Variants in USP6 observed in about 807,000 individuals in gnomAD.
The protein encoded by USP6 is ubiquitin specific peptidase 6.
In USP6, 128 loss-of-function variants were observed where a neutral mutation model predicts 175.7. The ratio of observed to expected loss-of-function variants is 0.73; its 90% CI spans 0.63 to 0.84. The LOEUF is 0.84. Among genes scored for constraint, USP6 ranks in the 40% least tolerant of loss-of-function variants. The pLI is 0.00. For missense variants in USP6, 1,498 were observed against 1,760.3 expected (o/e 0.85, Z 2.67); for synonymous variants, 562 against 630.6 (o/e 0.89, Z 1.63).
chr17:5,138,300 C>T (rs2073326930), intron 21 of USP6, 27 bp downstream of exon 21: 2 of 1,612,080 alleles, frequency 1.2e-6, no homozygotes, highest in African/African-American at 2.7e-5. Context: ...TGTCCCCTCC[C>T]ATGTCAGCCT....
At position 5,152,411 on chromosome 17, in the gene USP6, A is replaced by AT. The variant is rs538340251; in HGVS notation, c.2644-3010dup. ...ACCATGCTGATGAGAATATAAATTA[A>AT]TACAACTACTTTGGAATACAATTTT... On this transcript the variant is annotated intron_variant, in intron 30 of 37. Coordinates refer to ENST00000574788, the MANE Select transcript of USP6 (RefSeq NM_001304284.2). 9.0e-3 allele frequency among the ~76,000 whole-genome samples: 1,364 copies of AT among 152,338 alleles called. 10 individuals carry two copies. Among genetic ancestry groups the AT allele is most frequent in the Non-Finnish European group, 0.015 (1,050 of 68,034 alleles).
At chr17:5,156,586 G>A (rs561890261) in intron 31 of USP6, among the ~76,000 whole-genome samples, 5 of 152,208 alleles carry the variant, frequency 3.3e-5, no homozygotes, top group South Asian at 2.1e-4. Context: ...GATTACAGGC[G>A]TGAGCCACCT....
At chr17:5,138,082 C>T in intron 20 of USP6, 39 bp from the exon 21 acceptor site, 1 of 1,613,750 alleles carries the variant, frequency 6.2e-7, no homozygotes, top group Non-Finnish European at 8.5e-7. Flanking sequence ...TGACCATTCC[C>T]AGGGAACTCT....
At chr17:5,167,801 G>T (rs2074125052) in intron 33 of USP6, 131 bp from the exon 34 acceptor site, 1 of 1,146,060 alleles carries the variant, frequency 8.7e-7, no homozygotes, top group Non-Finnish European at 1.2e-6. Context: ...ATCATACCCA[G>T]CCAGTTGTAT....
intron 22 of USP6, among the ~76,000 whole-genome samples, chr17:5,140,009 C>G (rs532537135): frequency 4.6e-5 from 7 of 152,102 alleles, no homozygotes; most frequent in African/African-American, 1.7e-4. Flanking sequence ...ACAGATGGAA[C>G]ACACCAGCCC....
Position 5,141,658 on chromosome 17 carries a change from C to G in USP6, c.1573+159C>G, listed in dbSNP as rs1225716767. 2.6e-5 allele frequency among the ~76,000 whole-genome samples: 4 copies of G among 151,962 alleles called. No individual in the cohort carries two copies. The East Asian group carries it at 7.7e-4, about 29-fold the overall frequency. The stretch of plus-strand genomic sequence containing the variant: ...GAAGCAGCATTTGATGTTGGCAAAC[C>G]CACCATCAAATTATTTTCTAAATTT... On this transcript the variant is annotated intron_variant, in intron 23 of 37. Coordinates refer to ENST00000574788, the MANE Select transcript of USP6 (RefSeq NM_001304284.2).
chr17:5,144,160 C>G (rs953990925), intron 25 of USP6, among the ~76,000 whole-genome samples: 1 of 151,758 alleles, frequency 6.6e-6, no homozygotes, highest in African/African-American at 2.4e-5. Flanking sequence ...AATTCTAATG[C>G]GGTTAATAAA....
chr17:5,130,179 G>T (rs866982682), intron 9 of USP6, 90 bp downstream of exon 9: 29 of 599,262 alleles, frequency 4.8e-5, no homozygotes, highest in Non-Finnish European at 7.5e-5. Flanking sequence ...GCCCACCCCT[G>T]CTTGGGGCTT....
rs200854604 is a variant in USP6 at position 5,139,240 on chromosome 17, C to G, written c.1079-15C>G. ...GGCTCACTGGAGATGCTGACCACGTCTGTTTTCCTTTCAGCCAAACGCGAG... is the reference window on the plus strand; with the variant it reads ...GGCTCACTGGAGATGCTGACCACGTGTGTTTTCCTTTCAGCCAAACGCGAG... On this transcript the variant is annotated splice_polypyrimidine_tract_variant and intron_variant, in intron 21 of 37. Coordinates refer to ENST00000574788, the MANE Select transcript of USP6 (RefSeq NM_001304284.2). The G allele has an allele frequency of 1.3e-6, 2 of 1,599,674 alleles. No individual in the cohort carries two copies. The highest frequency in any genetic ancestry group is 3.3e-5 in the Admixed American group (2 of 60,030).
At chr17:5,123,483 C>G (rs955108236) in intron 4 of USP6, among the ~76,000 whole-genome samples, 2 of 152,080 alleles carry the variant, frequency 1.3e-5, no homozygotes, top group Non-Finnish European at 2.9e-5. Context: ...CCGCGTCACC[C>G]GGCAGCAAAC....
Position 5,141,898 on chromosome 17 carries a change from C to T in USP6, c.1574-105C>T, listed in dbSNP as rs555680802. The T allele has an allele frequency of 1.2e-4, 182 of 1,483,362 alleles. 3 individuals carry two copies. The South Asian group carries it at 2.3e-3, about 19-fold the overall frequency. The allele number at this position is 1,483,362 out of a possible 1,614,324, so 91.9% of individuals were successfully genotyped here. ...CTAGAGAATTATTAGCACCATTTAG[C>T]TGATTATGAGAGTTATAAAAAATCT... On this transcript the variant is annotated intron_variant, in intron 23 of 37. Transcript: ENST00000574788.
intron 30 of USP6, among the ~76,000 whole-genome samples, chr17:5,150,300 AAAT>A (rs2073730512): frequency 3.5e-4 from 34 of 95,826 alleles, no homozygotes; most frequent in Non-Finnish European, 4.5e-4. Context: ...CTAAAAAAAT[AAAT>A]AAATAAATAA....
chr17:5,127,208 C>G (rs1447259153), intron 6 of USP6, among the ~76,000 whole-genome samples: 1 of 151,064 alleles, frequency 6.6e-6, no homozygotes, highest in Non-Finnish European at 1.5e-5. Context: ...GATCCAAGAA[C>G]TAAGGGCAAC....
chr17:5,173,013 G>A lies in USP6; in HGVS notation c.*35G>A, dbSNP rs763770802. 69 of 1,604,224 alleles carry A rather than the reference G, an allele frequency of 4.3e-5. No individual in the cohort carries two copies. The highest frequency in any genetic ancestry group is 6.6e-5 in the South Asian group (6 of 90,232). ...TCTGGCTGCTAGACAGCTTGGTGGCGAGGGAGATGACTCCTTGTAGCTGAT... is the reference window on the plus strand; with the variant it reads ...TCTGGCTGCTAGACAGCTTGGTGGCAAGGGAGATGACTCCTTGTAGCTGAT... On this transcript the variant is annotated 3_prime_UTR_variant, in exon 38 of 38. Coordinates refer to ENST00000574788, the MANE Select transcript of USP6 (RefSeq NM_001304284.2).
At chr17:5,155,744 T>A in intron 31 of USP6, 138 bp downstream of exon 31, 1 of 695,834 alleles carries the variant, frequency 1.4e-6, no homozygotes, top group Non-Finnish European at 2.0e-6. Context: ...AATAATTATT[T>A]AAAGTATTTA....
At chr17:5,157,919 C>A (rs1410578351) in intron 31 of USP6, among the ~76,000 whole-genome samples, 1 of 149,334 alleles carries the variant, frequency 6.7e-6, no homozygotes, top group Non-Finnish European at 1.5e-5. Flanking sequence ...AGCCACTGCA[C>A]CCGGCCCAGG....
chr17:5,159,683 T>C (rs935512524), intron 31 of USP6, among the ~76,000 whole-genome samples: 1 of 151,842 alleles, frequency 6.6e-6, no homozygotes, highest in African/African-American at 2.4e-5. Context: ...GTTCAGAGGG[T>C]AGGGTGTGGT....
rs905462102 is a variant in USP6 at position 5,132,545 on chromosome 17, G to A, written c.195+110G>A. On this transcript the variant is annotated intron_variant, in intron 12 of 37. Coordinates refer to ENST00000574788, the MANE Select transcript of USP6 (RefSeq NM_001304284.2). The surrounding 1 kb of genome is among the most constrained non-coding windows in gnomAD (Gnocchi z 4.7). ...GGGCGGTGGCGGGTGAGGGCAACAC[G>A]CTGTCACTGGGAGGGGCAGCAGAGA... The A allele has an allele frequency of 3.2e-6, 5 of 1,577,454 alleles. No homozygotes were observed. Among genetic ancestry groups the A allele is most frequent in the African/African-American group, 1.3e-5 (1 of 74,266 alleles).
chr17:5,155,932 A>G (rs192310303), intron 31 of USP6, among the ~76,000 whole-genome samples: 1 of 152,248 alleles, frequency 6.6e-6, no homozygotes, highest in African/African-American at 2.4e-5. Flanking sequence ...TGCTTCAAGT[A>G]ATATCCTTGT....
Sources: gnomAD v4.1 joint callset for allele counts (sites outside exome capture counted in the v4.1 genomes callset) on GRCh38, gnomAD v4.1.1 for gene constraint, Gnocchi (gnomAD v3.1) non-coding constraint, MANE v1.5 for transcripts, NCBI Gene and HGNC (gene_info 2026-07-23, HGNC 2026-07-21) for gene names.